Variants in TNFRSF13B observed in about 807,000 individuals in gnomAD.
TNFRSF13B encodes the protein TNF receptor superfamily member 13B, also known as tumor necrosis factor receptor superfamily member 13B.
In TNFRSF13B, 34 loss-of-function variants were observed where a neutral mutation model predicts 24.0. The observed-to-expected ratio is 1.41, with a 90% CI of 1.08 to 1.88. The LOEUF (loss-of-function observed/expected upper bound fraction) is 1.88. Ranked by LOEUF, TNFRSF13B falls within the 40% of genes most tolerant of loss-of-function variation. TNFRSF13B has a pLI of 0.00. For missense variants in TNFRSF13B, 415 were observed against 380.8 expected (o/e 1.09, Z -0.75); for synonymous variants, 173 against 150.3 (o/e 1.15, Z -1.10).
At chr17:16,968,364 G>A (rs1291171585) in intron 1 of TNFRSF13B, among the ~76,000 whole-genome samples, 2 of 152,166 alleles carry the variant, frequency 1.3e-5, no homozygotes, top group African/African-American at 2.4e-5. Flanking sequence ...CATCAGACAG[G>A]CATAAATCAA....
intron 1 of TNFRSF13B, among the ~76,000 whole-genome samples, chr17:16,964,350 T>A (rs1205434851): frequency 6.7e-6 from 1 of 148,638 alleles, no homozygotes; most frequent in Non-Finnish European, 1.5e-5. Context: ...TTTTTTTTTT[T>A]TTTTTTTTTG....
intron 1 of TNFRSF13B, among the ~76,000 whole-genome samples, chr17:16,953,187 T>C (rs1447255545): frequency 6.6e-6 from 1 of 152,230 alleles, no homozygotes; most frequent in Non-Finnish European, 1.5e-5. Context: ...ATTTTTCTTA[T>C]TAATTGCTGA....
chr17:16,970,128 C>T (rs1285836172), intron 1 of TNFRSF13B, among the ~76,000 whole-genome samples: 1 of 152,182 alleles, frequency 6.6e-6, no homozygotes, highest in African/African-American at 2.4e-5. Context: ...TCCTCTACCA[C>T]CATGTGGACC....
At chr17:16,960,130 C>T (rs957411321) in intron 1 of TNFRSF13B, among the ~76,000 whole-genome samples, 3 of 151,838 alleles carry the variant, frequency 2.0e-5, no homozygotes, top group African/African-American at 7.3e-5. Flanking sequence ...GGTAGTTCCA[C>T]ACTAAAGGAA....
chr17:16,959,537 C>T (rs1360693207), intron 1 of TNFRSF13B, among the ~76,000 whole-genome samples: 3 of 151,758 alleles, frequency 2.0e-5, no homozygotes, highest in African/African-American at 7.3e-5. Flanking sequence ...ATCAACAAAA[C>T]CAAAAGCTCC....
intron 1 of TNFRSF13B, among the ~76,000 whole-genome samples, chr17:16,959,739 A>T (rs1314427952): frequency 6.6e-6 from 1 of 152,124 alleles, no homozygotes; most frequent in East Asian, 1.9e-4. Context: ...ATAAAAATGG[A>T]CATATTCTTA....
rs139314675 is a variant in TNFRSF13B, at chr17:16,942,699, A to G, written c.446-2188T>C. Among the ~76,000 whole-genome samples the G allele has an allele frequency of 1.4e-4, 21 of 152,360 alleles. No individual in the cohort carries two copies. In the East Asian group the frequency reaches 3.9e-3, roughly 28 times the overall value. On this transcript the variant is annotated intron_variant, in intron 3 of 4. Coordinates refer to ENST00000261652, the MANE Select transcript of TNFRSF13B (RefSeq NM_012452.3). Reference sequence around the variant, plus strand: ...ACAGAATGCCAGGCTACAGGTTGTTACTAAGCGGAAATGAACGGCGTTGAT... The same window carrying G: ...ACAGAATGCCAGGCTACAGGTTGTTGCTAAGCGGAAATGAACGGCGTTGAT...
Position 16,942,716 on chromosome 17 carries a change from G to A in TNFRSF13B, c.446-2205C>T, listed in dbSNP as rs78790736. ...AGGTTGTTACTAAGCGGAAATGAAC[G>A]GCGTTGATTCAAGGAGGAAAACTAA... On this transcript the variant is annotated intron_variant, in intron 3 of 4. Transcript: ENST00000261652. Among the ~76,000 whole-genome samples the A allele has an allele frequency of 4.8e-3, 729 of 152,260 alleles. 3 individuals are homozygous for A. The highest frequency in any genetic ancestry group is 0.017 in the African/African-American group (706 of 41,542).
In TNFRSF13B at chr17:16,949,024, C is replaced by G. The variant is rs927709751; in HGVS notation, c.200-41G>C. 3 of 1,613,194 alleles carry G rather than the reference C, an allele frequency of 1.9e-6. No individual in the cohort carries two copies. The South Asian group carries it at 3.3e-5, about 18-fold the overall frequency. ...TCATGATACTGCTGGGTGACACAGA[C>G]TAGCAGGAACTCTGGGTTTGACCAC... On this transcript the variant is annotated intron_variant, in intron 2 of 4. Coordinates refer to ENST00000261652, the MANE Select transcript of TNFRSF13B (RefSeq NM_012452.3).
At chr17:16,948,628 G>A in intron 3 of TNFRSF13B, 110 bp downstream of exon 3, 1 of 1,497,726 alleles carries the variant, frequency 6.7e-7, no homozygotes. Context: ...CCATTTGCTT[G>A]GACTCTGGGC....
intron 2 of TNFRSF13B, among the ~76,000 whole-genome samples, chr17:16,950,561 C>G (rs1311471326): frequency 6.6e-6 from 1 of 152,190 alleles, no homozygotes; most frequent in Non-Finnish European, 1.5e-5. Context: ...TGGCCCTGCC[C>G]TATCCCCAGG....
At chr17:16,940,018 G>T (rs551456176) in intron 4 of TNFRSF13B, 2 of 956,266 alleles carry the variant, frequency 2.1e-6, no homozygotes, top group Admixed American at 5.9e-5. Flanking sequence ...GTCCAGCACC[G>T]AGCCTGCCAC....
At chr17:16,967,030 G>A (rs1011819382) in intron 1 of TNFRSF13B, among the ~76,000 whole-genome samples, 8 of 151,646 alleles carry the variant, frequency 5.3e-5, no homozygotes, top group African/African-American at 1.9e-4. Flanking sequence ...GTAGAGATGG[G>A]GTTTCACCAT....
chr17:16,970,005 C>A (rs2087732903), intron 1 of TNFRSF13B, among the ~76,000 whole-genome samples: 1 of 152,090 alleles, frequency 6.6e-6, no homozygotes, highest in African/African-American at 2.4e-5. Flanking sequence ...GTTCCAAGAC[C>A]CATTCATTGC....
intron 1 of TNFRSF13B, among the ~76,000 whole-genome samples, chr17:16,953,968 T>A (rs909078158): frequency 6.6e-6 from 1 of 152,240 alleles, no homozygotes; most frequent in Non-Finnish European, 1.5e-5. Context: ...GGTTTCACTA[T>A]GTTGGCCAGT....
chr17:16,950,503 T>C (rs2087581237), intron 2 of TNFRSF13B, among the ~76,000 whole-genome samples: 1 of 152,194 alleles, frequency 6.6e-6, no homozygotes, highest in Admixed American at 6.5e-5. Flanking sequence ...ATTGGGACCT[T>C]AGGGAAAACT....
intron 1 of TNFRSF13B, among the ~76,000 whole-genome samples, chr17:16,967,751 CAAAAAAA>C (rs975103327): frequency 1.6e-4 from 4 of 24,502 alleles, no homozygotes; most frequent in South Asian, 1.7e-3. Flanking sequence ...GACTCCGTCT[CAAAAAAA>C]AAAAAAAAAA....
chr17:16,939,859 G>C, intron 4 of TNFRSF13B, 62 bp from the exon 5 acceptor site: 1 of 1,533,488 alleles, frequency 6.5e-7, no homozygotes, highest in Non-Finnish European at 8.8e-7. Flanking sequence ...TAGGGGTGAC[G>C]GTGTGGGCAG....
intron 3 of TNFRSF13B, among the ~76,000 whole-genome samples, chr17:16,947,076 A>G (rs185010710): frequency 6.6e-6 from 1 of 152,308 alleles, no homozygotes; most frequent in African/African-American, 2.4e-5. Context: ...AACTATTCCA[A>G]AAAATCAAGG....
Sources: allele counts gnomAD v4.1 joint callset (sites outside exome capture counted in the v4.1 genomes callset), GRCh38; gene constraint gnomAD v4.1.1; transcripts MANE v1.5; gene names NCBI Gene and HGNC (gene_info 2026-07-23, HGNC 2026-07-21).